The following SPIRE1 variants were observed in gnomAD, a reference collection of about 807,000 sequenced individuals.
The protein encoded by SPIRE1 is spire type actin nucleation factor 1.
Under a neutral mutation model 94.1 loss-of-function variants are expected in SPIRE1, and 40 were observed. That is an observed-to-expected ratio of 0.43 (90% CI 0.33 to 0.55). The LOEUF (loss-of-function observed/expected upper bound fraction) is 0.55. SPIRE1 is among the 20% of genes least tolerant of loss of function. SPIRE1 has a pLI of 0.06. For missense variants in SPIRE1, 838 were observed against 975.2 expected (o/e 0.86, Z 1.87); for synonymous variants, 376 against 371.7 (o/e 1.01, Z -0.13).
At chr18:12,528,155 C>T (rs973522066) in intron 4 of SPIRE1, among the ~76,000 whole-genome samples, 14 of 152,054 alleles carry the variant, frequency 9.2e-5, no homozygotes, top group African/African-American at 3.4e-4. Flanking sequence ...CAGTGTTACC[C>T]TAAGCTGAGG....
chr18:12,461,553 A>ATGTGTGG (rs1477198165), intron 12 of SPIRE1, among the ~76,000 whole-genome samples: 4 of 145,802 alleles, frequency 2.7e-5, no homozygotes, highest in African/African-American at 1.1e-4. Flanking sequence ...GTATATACAT[A>ATGTGTGG]CATGCGTGTA....
chr18:12,533,653 T>G (rs1437915744), intron 4 of SPIRE1, among the ~76,000 whole-genome samples: 1 of 152,152 alleles, frequency 6.6e-6, no homozygotes, highest in East Asian at 1.9e-4. Flanking sequence ...TCATTTAATT[T>G]CCTCTATTAA....
At chr18:12,621,861 A>T (rs1056562426) in intron 2 of SPIRE1, among the ~76,000 whole-genome samples, 25 of 152,190 alleles carry the variant, frequency 1.6e-4, no homozygotes, top group East Asian at 9.6e-4. Context: ...AATTATTTTT[A>T]AAAAAATTAG....
At chr18:12,471,355 C>T (rs1056709265) in intron 10 of SPIRE1, among the ~76,000 whole-genome samples, 4 of 151,316 alleles carry the variant, frequency 2.6e-5, no homozygotes, top group African/African-American at 9.7e-5. Context: ...TCTAAGGCCC[C>T]TTCCAGTTAA....
intron 10 of SPIRE1, among the ~76,000 whole-genome samples, chr18:12,472,779 G>T (rs2032415216): frequency 6.6e-6 from 1 of 151,838 alleles, no homozygotes; most frequent in Admixed American, 6.6e-5. Flanking sequence ...TCCTGCCTCA[G>T]CCTTCCAGTA....
At chr18:12,579,003 G>T (rs1047147150) in intron 2 of SPIRE1, among the ~76,000 whole-genome samples, 3 of 151,892 alleles carry the variant, frequency 2.0e-5, no homozygotes, top group Non-Finnish European at 4.4e-5. Flanking sequence ...GAACTTGACC[G>T]GCTTGCTTTG....
At chr18:12,650,557 A>C (rs571238677) in intron 1 of SPIRE1, among the ~76,000 whole-genome samples, 1 of 152,000 alleles carries the variant, frequency 6.6e-6, no homozygotes, top group African/African-American at 2.4e-5. Flanking sequence ...AAAAATACAA[A>C]AAATTAGCTG....
intron 12 of SPIRE1, among the ~76,000 whole-genome samples, chr18:12,461,199 G>A (rs1435814760): frequency 6.6e-6 from 1 of 152,134 alleles, no homozygotes; most frequent in African/African-American, 2.4e-5. Flanking sequence ...TCTATTATAA[G>A]CTGAAACTAC....
chr18:12,519,596 CAA>C (rs141629220), intron 4 of SPIRE1, among the ~76,000 whole-genome samples: 18,453 of 152,122 alleles, frequency 0.12, 1,411 homozygotes, highest in East Asian at 0.32. Flanking sequence ...AATTATATCA[CAA>C]AGTTATTTTC....
intron 10 of SPIRE1, among the ~76,000 whole-genome samples, chr18:12,465,416 G>A (rs1029675717): frequency 6.6e-6 from 1 of 152,148 alleles, no homozygotes; most frequent in African/African-American, 2.4e-5. Context: ...TCCTCCCAAA[G>A]TGCTGGGGTA....
At chr18:12,509,799 C>T (rs1275001703) in intron 5 of SPIRE1, among the ~76,000 whole-genome samples, 3 of 151,964 alleles carry the variant, frequency 2.0e-5, no homozygotes, top group Non-Finnish European at 2.9e-5. Flanking sequence ...ACAGTACATA[C>T]CAGCTGGGTG....
At chr18:12,533,663 A>G (rs756381237) in intron 4 of SPIRE1, among the ~76,000 whole-genome samples, 4 of 152,154 alleles carry the variant, frequency 2.6e-5, no homozygotes, top group Non-Finnish European at 4.4e-5. Context: ...TCCTCTATTA[A>G]CAAATTTGCT....
chr18:12,472,824 A>G (rs180900264), intron 10 of SPIRE1, among the ~76,000 whole-genome samples: 20 of 150,116 alleles, frequency 1.3e-4, no homozygotes, highest in Non-Finnish European at 7.4e-5. Context: ...ATGAAGTCTC[A>G]CTCTGTCGCC....
At chr18:12,490,838 A>G (rs1474063605) in intron 8 of SPIRE1, among the ~76,000 whole-genome samples, 1 of 152,190 alleles carries the variant, frequency 6.6e-6, no homozygotes, top group Non-Finnish European at 1.5e-5. Context: ...CATACTCAAT[A>G]AGGGAAAACT....
At chr18:12,592,357 CAA>C (rs1292601704) in intron 2 of SPIRE1, among the ~76,000 whole-genome samples, 9 of 152,106 alleles carry the variant, frequency 5.9e-5, no homozygotes, top group African/African-American at 1.9e-4. Flanking sequence ...ACATTTTAGA[CAA>C]AGTTATAATC....
At chr18:12,553,050 G>C (rs1259058189) in intron 2 of SPIRE1, among the ~76,000 whole-genome samples, 3 of 152,050 alleles carry the variant, frequency 2.0e-5, no homozygotes, top group Non-Finnish European at 4.4e-5. Flanking sequence ...TGAGTCCTTG[G>C]GCCCTAAATA....
rs116714478 is a variant in SPIRE1 at position 12,505,667 on chromosome 18, A to G, written c.972+810T>C. 2.5e-3 allele frequency among the ~76,000 whole-genome samples: 386 copies of G among 152,296 alleles called. 5 individuals carry two copies. Among genetic ancestry groups the G allele is most frequent in the African/African-American group, 9.0e-3 (373 of 41,558 alleles). ...TTTGCTAATGAACTAGATGTTCCGC[A>G]TCTAGGAACTTAAGGATTTCATGGT... On this transcript the variant is annotated intron_variant, in intron 6 of 16. Transcript: ENST00000409402.
upstream of SPIRE1, chr18:12,661,928 G>T: frequency 4.8e-6 from 1 of 206,410 alleles, no homozygotes; most frequent in Non-Finnish European, 1.0e-5. Context: ...TTTTCAAAGT[G>T]CTGTGAAGTC....
At chr18:12,625,273 G>A (rs958832743) in intron 2 of SPIRE1, among the ~76,000 whole-genome samples, 2 of 152,156 alleles carry the variant, frequency 1.3e-5, no homozygotes, top group South Asian at 2.1e-4. Context: ...TTTCCACACC[G>A]TGTTGCGGCC....
Sources: gnomAD v4.1 joint callset for allele counts (sites outside exome capture counted in the v4.1 genomes callset) on GRCh38, gnomAD v4.1.1 for gene constraint, MANE v1.5 for transcripts, NCBI Gene and HGNC (gene_info 2026-07-23, HGNC 2026-07-21) for gene names.